The following KREMEN1 variants were observed in gnomAD, a reference collection of about 807,000 sequenced individuals.
The protein encoded by KREMEN1 is kremen protein 1.
KREMEN1 carries 30 observed loss-of-function variants against 46.5 expected under a neutral mutation model. That is an observed-to-expected ratio of 0.65 (90% CI 0.48 to 0.88). KREMEN1 has a LOEUF of 0.88. Among genes scored for constraint, KREMEN1 ranks in the 40% least tolerant of loss-of-function variants. The pLI is 0.00. For synonymous variants in KREMEN1, 214 were observed against 230.6 expected (o/e 0.93, Z 0.65); for missense variants, 533 against 596.9 (o/e 0.89, Z 1.11).
At chr22:29,096,450 C>T (rs368739008) in intron 2 of KREMEN1, among the ~76,000 whole-genome samples, 1 of 152,198 alleles carries the variant, frequency 6.6e-6, no homozygotes, top group Non-Finnish European at 1.5e-5. Flanking sequence ...CTTCTACTCA[C>T]AGGCTTCTAG....
rs199927010 is a variant in KREMEN1, at chr22:29,142,254, G to T, written c.*142G>T. On this transcript the variant is annotated 3_prime_UTR_variant, in exon 9 of 9. Transcript: ENST00000400335. ...TCTTCGGGGAAACCCTCCTCCTACA[G>T]ACTAGGAAGAGGCACCCTGCTGCCA... is the stretch of plus-strand genomic sequence containing the variant. 1 of 1,357,734 alleles carries T rather than the reference G, an allele frequency of 7.4e-7. No individual in the cohort carries two copies. The highest frequency in any genetic ancestry group is 9.4e-7 in the Non-Finnish European group (1 of 1,060,166). 84.1% of individuals were successfully genotyped at this position (1,357,734 alleles called of 1,614,324 possible).
chr22:29,159,132 T>A (rs1009678368), intron 9 of KREMEN1, among the ~76,000 whole-genome samples: 1 of 149,068 alleles, frequency 6.7e-6, no homozygotes, highest in Non-Finnish European at 1.5e-5. Context: ...GTGTTTTTTT[T>A]TTTTTTTTTT....
At chr22:29,157,171 C>T (rs933529806) in intron 9 of KREMEN1, among the ~76,000 whole-genome samples, 1 of 152,208 alleles carries the variant, frequency 6.6e-6, no homozygotes, top group Non-Finnish European at 1.5e-5. Flanking sequence ...GTGGGGGCTC[C>T]ACGCAAAGAT....
At chr22:29,124,090 T>C (rs1337904141) in intron 4 of KREMEN1, among the ~76,000 whole-genome samples, 1 of 152,060 alleles carries the variant, frequency 6.6e-6, no homozygotes, top group Non-Finnish European at 1.5e-5. Context: ...CCTAGAGACA[T>C]GAAAACTTAT....
intron 4 of KREMEN1, among the ~76,000 whole-genome samples, chr22:29,121,783 A>G (rs969300542): frequency 3.3e-5 from 5 of 152,260 alleles, no homozygotes; most frequent in Admixed American, 6.5e-5. Flanking sequence ...CACAGTGACT[A>G]TACCAATAAC....
At chr22:29,127,571 A>G (rs2007772) in intron 5 of KREMEN1, among the ~76,000 whole-genome samples, 32,769 of 152,018 alleles carry the variant, frequency 0.22, 4,036 homozygotes, top group African/African-American at 0.33. Flanking sequence ...GCTGAGGCAC[A>G]AGAATCACTT....
rs184402840 is a variant in KREMEN1 at position 29,095,743 on chromosome 22, C to G, written c.260+1323C>G. ...CGCTCTAGGGCCCTTGTAGTTGTCTCAAAGTCACCAGGCCTTTAGTCTATG... is the reference window on the plus strand; with the variant it reads ...CGCTCTAGGGCCCTTGTAGTTGTCTGAAAGTCACCAGGCCTTTAGTCTATG... On this transcript the variant is annotated intron_variant, in intron 2 of 8. Transcript: ENST00000400335. Among the ~76,000 whole-genome samples the G allele has an allele frequency of 3.8e-3, 576 of 152,290 alleles. 1 individual carries two copies. The highest frequency in any genetic ancestry group is 0.017 in the Middle Eastern group (5 of 294).
At position 29,110,882 on chromosome 22, in the gene KREMEN1, A is replaced by G. The variant is rs563376867; in HGVS notation, c.353-10475A>G. The stretch of plus-strand genomic sequence containing the variant: ...CGGGTCTGAGGGTGTGGATGAATCC[A>G]CACTTAACCTGTTGATGCTCTGAAA... On this transcript the variant is annotated intron_variant, in intron 3 of 8. Transcript: ENST00000400335. Among the ~76,000 whole-genome samples the G allele has an allele frequency of 4.6e-5, 7 of 152,256 alleles. No homozygotes were observed. In the South Asian group the frequency reaches 1.5e-3, roughly 32 times the overall value.
rs1000503052 is a variant in KREMEN1, at chr22:29,146,653, A to T, written c.*4541A>T. 2.1e-6 allele frequency: 2 copies of T among 954,740 alleles called. No individual in the cohort carries two copies. Among genetic ancestry groups the T allele is most frequent in the African/African-American group, 3.5e-5 (2 of 56,580 alleles). 59.1% of individuals were successfully genotyped at this position (954,740 alleles called of 1,614,324 possible). A position where few individuals can be genotyped will look rare whatever the true frequency, so the allele number is the denominator to read the frequency against. ...ACTTTGAGAATAAAATAGAAACATCATGTATTTTAAAATATAAGATGAAGT... is the reference window on the plus strand; with the variant it reads ...ACTTTGAGAATAAAATAGAAACATCTTGTATTTTAAAATATAAGATGAAGT... On this transcript the variant is annotated 3_prime_UTR_variant, in exon 9 of 9. Coordinates refer to ENST00000400335, the MANE Select transcript of KREMEN1 (RefSeq NM_001039570.3).
chr22:29,120,422 G>T (rs867720212), intron 3 of KREMEN1, among the ~76,000 whole-genome samples: 11 of 116,422 alleles, frequency 9.4e-5, no homozygotes, highest in African/African-American at 1.2e-4. Flanking sequence ...GAAGGAAACA[G>T]GGAGGAGGGA....
At chr22:29,118,371 G>A (rs1470335979) in intron 3 of KREMEN1, among the ~76,000 whole-genome samples, 1 of 152,146 alleles carries the variant, frequency 6.6e-6, no homozygotes, top group Non-Finnish European at 1.5e-5. Flanking sequence ...CACTCAGGGG[G>A]AGGAGATTAT....
intron 4 of KREMEN1, among the ~76,000 whole-genome samples, chr22:29,122,440 C>G (rs894488369): frequency 1.5e-4 from 23 of 152,200 alleles, no homozygotes; most frequent in Admixed American, 6.5e-4. Flanking sequence ...CCTTAAAACT[C>G]AGCAATATCA....
intron 1 of KREMEN1, among the ~76,000 whole-genome samples, chr22:29,093,686 TG>T (rs755459465): frequency 4.6e-5 from 7 of 152,200 alleles, no homozygotes; most frequent in Non-Finnish European, 1.0e-4. Flanking sequence ...TCAAACAGCA[TG>T]GGGAGGACTG....
chr22:29,135,639 C>A lies in KREMEN1; in HGVS notation c.632-1703C>A, dbSNP rs139254002. Among the ~76,000 whole-genome samples, 1,369 of 152,314 alleles carry A rather than the reference C, an allele frequency of 9.0e-3. 14 individuals are homozygous for A. Among genetic ancestry groups the A allele is most frequent in the African/African-American group, 0.031 (1,306 of 41,554 alleles). ...GTGGAGGTCTGTGCAGAAAAGCTCA[C>A]AAGTGAGTGCAAAATGCCCGTTGTG... On this transcript the variant is annotated intron_variant, in intron 5 of 8. Coordinates refer to ENST00000400335, the MANE Select transcript of KREMEN1 (RefSeq NM_001039570.3).
At chr22:29,093,068 GA>G (rs2037827552) in intron 1 of KREMEN1, among the ~76,000 whole-genome samples, 1 of 152,186 alleles carries the variant, frequency 6.6e-6, no homozygotes, top group Non-Finnish European at 1.5e-5. Flanking sequence ...TGCCATTCCA[GA>G]CAAAACACAG....
intron 1 of KREMEN1, among the ~76,000 whole-genome samples, chr22:29,086,338 C>G (rs1185935418): frequency 1.3e-5 from 2 of 152,086 alleles, no homozygotes; most frequent in Non-Finnish European, 2.9e-5. Context: ...ATATCATTTC[C>G]CCTTTATTGC....
At chr22:29,116,686 G>A (rs1174025707) in intron 3 of KREMEN1, among the ~76,000 whole-genome samples, 1 of 152,156 alleles carries the variant, frequency 6.6e-6, no homozygotes, top group Non-Finnish European at 1.5e-5. Context: ...TGGAATAAAT[G>A]AGAGAAAAAT....
In KREMEN1 at chr22:29,079,073, A is replaced by C. The variant is rs545084187; in HGVS notation, c.97+5846A>C. 4.6e-5 allele frequency among the ~76,000 whole-genome samples: 7 copies of C among 152,038 alleles called. No individual in the cohort carries two copies. In the South Asian group the frequency reaches 1.4e-3, roughly 31 times the overall value. ...GATGGCGGTGCTTCCCTCAACCCTTACCTCACCTTCTGAGACTTTGTCTGT... is the reference window on the plus strand; with the variant it reads ...GATGGCGGTGCTTCCCTCAACCCTTCCCTCACCTTCTGAGACTTTGTCTGT... On this transcript the variant is annotated intron_variant, in intron 1 of 8. Transcript: ENST00000400335.
rs531580512 is a variant in KREMEN1 at position 29,079,600 on chromosome 22, A to G, written c.97+6373A>G. On this transcript the variant is annotated intron_variant, in intron 1 of 8. Coordinates refer to ENST00000400335, the MANE Select transcript of KREMEN1 (RefSeq NM_001039570.3). ...AGACTTTGAGGGCTGGATTTCTTTC[A>G]GTTTGGTTAGATTCTTGGTTAGAAC... 7.2e-5 allele frequency among the ~76,000 whole-genome samples: 11 copies of G among 152,328 alleles called. No homozygotes were observed. In the South Asian group the frequency reaches 2.3e-3, roughly 32 times the overall value.
Sources: allele counts gnomAD v4.1 joint callset (sites outside exome capture counted in the v4.1 genomes callset), GRCh38; gene constraint gnomAD v4.1.1; transcripts MANE v1.5; gene names NCBI Gene and HGNC (gene_info 2026-07-23, HGNC 2026-07-21).